CTNNA1: variants seen among roughly 807,000 people sequenced by gnomAD.
The protein encoded by CTNNA1 is catenin alpha 1, also known as catenin alpha-1.
Under a neutral mutation model 98.4 loss-of-function variants are expected in CTNNA1, and 37 were observed. That is an observed-to-expected ratio of 0.38 (90% CI 0.29 to 0.49). CTNNA1 has a LOEUF of 0.49. CTNNA1 is among the 20% of genes least tolerant of loss of function. CTNNA1 has a pLI of 0.95. For synonymous variants in CTNNA1, 404 were observed against 413.2 expected (o/e 0.98, Z 0.27); for missense variants, 761 against 1,147.2 (o/e 0.66, Z 4.86).
At chr5:138,909,384 G>T (rs1247389061) in intron 10 of CTNNA1, among the ~76,000 whole-genome samples, 3 of 147,164 alleles carry the variant, frequency 2.0e-5, no homozygotes, top group Non-Finnish European at 4.5e-5. Flanking sequence ...TAAGAGACAG[G>T]TTTTCACTCT....
At chr5:138,829,554 A>G (rs186142596) in intron 7 of CTNNA1, among the ~76,000 whole-genome samples, 49 of 152,352 alleles carry the variant, frequency 3.2e-4, no homozygotes, top group African/African-American at 1.1e-3. Context: ...TCTTGGGCCA[A>G]TCACCCCTGG....
At chr5:138,881,016 C>A in intron 7 of CTNNA1, 1 of 455,150 alleles carries the variant, frequency 2.2e-6, no homozygotes, top group South Asian at 1.6e-5. Flanking sequence ...AGAACAAGAT[C>A]ATTTCTTACT....
At chr5:138,797,508 C>T (rs192057220) in intron 3 of CTNNA1, among the ~76,000 whole-genome samples, 11 of 152,124 alleles carry the variant, frequency 7.2e-5, no homozygotes, top group African/African-American at 2.4e-4. Context: ...TATAATTTAT[C>T]GAAGATAAGC....
chr5:138,773,815 G>A (rs528740808), intron 1 of CTNNA1, among the ~76,000 whole-genome samples: 3 of 151,764 alleles, frequency 2.0e-5, no homozygotes, highest in South Asian at 2.1e-4. Flanking sequence ...TGGCTGAAGC[G>A]ATCCTCCTGC....
At chr5:138,753,639 GGCGACGTCGCCGGGA>G in intron 1 of CTNNA1, 129 bp downstream of exon 1, 1 of 348,426 alleles carries the variant, frequency 2.9e-6, no homozygotes, top group Non-Finnish European at 5.2e-6. Context: ...CGGTTTCTTT[GGCGACGTCGCCGGGA>G]ATTGGGCCCC....
chr5:138,764,736 G>C (rs1206742091), intron 1 of CTNNA1, among the ~76,000 whole-genome samples: 1 of 151,984 alleles, frequency 6.6e-6, no homozygotes, highest in Non-Finnish European at 1.5e-5. Context: ...CTCCCAAAGT[G>C]CTGGGATTAT....
intron 3 of CTNNA1, among the ~76,000 whole-genome samples, chr5:138,803,302 T>G (rs1040329046): frequency 6.6e-6 from 1 of 151,984 alleles, no homozygotes; most frequent in African/African-American, 2.4e-5. Context: ...TATAGGTGAA[T>G]GCCACCATGC....
At chr5:138,867,992 TC>T (rs1764958355) in intron 7 of CTNNA1, among the ~76,000 whole-genome samples, 1 of 152,204 alleles carries the variant, frequency 6.6e-6, no homozygotes, top group African/African-American at 2.4e-5. Flanking sequence ...CCGCAGGTGA[TC>T]CACCCACCTC....
chr5:138,863,277 C>G (rs1451237784), intron 7 of CTNNA1, among the ~76,000 whole-genome samples: 1 of 151,606 alleles, frequency 6.6e-6, no homozygotes, highest in Non-Finnish European at 1.5e-5. Flanking sequence ...GCTCTGTTGC[C>G]CAGGCTGGAG....
intron 1 of CTNNA1, among the ~76,000 whole-genome samples, chr5:138,764,013 C>T (rs969156336): frequency 2.6e-5 from 4 of 152,024 alleles, no homozygotes; most frequent in African/African-American, 7.2e-5. Flanking sequence ...GGAGAAACAC[C>T]GTCTCTACTA....
Position 138,806,608 on chromosome 5 carries a change from T to G in CTNNA1, c.302-3430T>G, listed in dbSNP as rs528347027. Among the ~76,000 whole-genome samples, 29 of 152,278 alleles carry G rather than the reference T, an allele frequency of 1.9e-4. No individual in the cohort carries two copies. The South Asian group carries it at 6.0e-3, about 32-fold the overall frequency. On this transcript the variant is annotated intron_variant, in intron 3 of 17. Coordinates refer to ENST00000302763, the MANE Select transcript of CTNNA1 (RefSeq NM_001903.5). ...TTAGATAGGTTAATCCTCTTTACTT[T>G]GACTTCACTCTGGTTGAGGGAATTG...
At position 138,933,797 on chromosome 5, in the gene CTNNA1, C is replaced by G. The variant is rs369052669; in HGVS notation, c.2434-5C>G. On this transcript the variant is annotated splice_polypyrimidine_tract_variant and splice_region_variant and intron_variant, in intron 17 of 17. Transcript: ENST00000302763. ...TGCTTCTTACCACCCCTGTCTGCCT[C>G]GTAGGTGGACAGCGCCATGTCCCTG... 1.2e-5 allele frequency: 20 copies of G among 1,611,624 alleles called. No homozygotes were observed. The highest frequency in any genetic ancestry group is 1.7e-5 in the Non-Finnish European group (20 of 1,179,170).
chr5:138,769,427 C>G (rs186121899), intron 1 of CTNNA1, among the ~76,000 whole-genome samples: 2 of 151,796 alleles, frequency 1.3e-5, no homozygotes, highest in African/African-American at 4.8e-5. Flanking sequence ...CTCACTGTGT[C>G]GCCTAGGCTA....
intron 10 of CTNNA1, among the ~76,000 whole-genome samples, chr5:138,911,039 G>C (rs1760506595): frequency 6.6e-6 from 1 of 152,154 alleles, no homozygotes; most frequent in African/African-American, 2.4e-5. Flanking sequence ...AGGAATTCTA[G>C]AACAGCCTGA....
chr5:138,834,039 C>G (rs1465821859), intron 7 of CTNNA1, among the ~76,000 whole-genome samples: 1 of 152,086 alleles, frequency 6.6e-6, no homozygotes, highest in East Asian at 1.9e-4. Context: ...TGGTATGCAG[C>G]TAATGTTCAT....
intron 7 of CTNNA1, among the ~76,000 whole-genome samples, chr5:138,836,384 A>G (rs553606860): frequency 6.6e-6 from 1 of 152,330 alleles, no homozygotes; most frequent in South Asian, 2.1e-4. Flanking sequence ...CACTTTGTCA[A>G]AAATTAATTT....
In CTNNA1 at chr5:138,881,163, G is replaced by A. The variant is rs1404983975; in HGVS notation, c.1063-5049G>A. On this transcript the variant is annotated intron_variant, in intron 7 of 17. Transcript: ENST00000302763. ...GTAAGACTGTCCTCCTTGAGAGCTCGTCTTGATGCTTGTTGCGTTTGTCTG... is the reference window on the plus strand; with the variant it reads ...GTAAGACTGTCCTCCTTGAGAGCTCATCTTGATGCTTGTTGCGTTTGTCTG... The A allele has an allele frequency of 1.7e-4, 76 of 454,020 alleles. 1 individual carries two copies. Among genetic ancestry groups the A allele is most frequent in the South Asian group, 1.1e-3 (71 of 64,462 alleles). 28.1% of individuals were successfully genotyped at this position (454,020 alleles called of 1,614,324 possible).
chr5:138,758,533 C>G (rs568201697), intron 1 of CTNNA1, among the ~76,000 whole-genome samples: 2 of 152,144 alleles, frequency 1.3e-5, no homozygotes, highest in Non-Finnish European at 2.9e-5. Context: ...CATGCCACCA[C>G]GCCCAGCTAA....
At chr5:138,884,854 C>T (rs1753685723) in intron 7 of CTNNA1, among the ~76,000 whole-genome samples, 1 of 152,122 alleles carries the variant, frequency 6.6e-6, no homozygotes, top group African/African-American at 2.4e-5. Context: ...TTTATTCCTG[C>T]AGGTAGAAAT....
Sources: allele counts gnomAD v4.1 joint callset (sites outside exome capture counted in the v4.1 genomes callset), GRCh38; gene constraint gnomAD v4.1.1; transcripts MANE v1.5; gene names NCBI Gene and HGNC (gene_info 2026-07-23, HGNC 2026-07-21).